GRM1: variants seen among roughly 807,000 people sequenced by gnomAD.
The protein encoded by GRM1 is metabotropic glutamate receptor 1.
A neutral mutation model predicts 90.9 loss-of-function variants in GRM1; 33 were observed. That is an observed-to-expected ratio of 0.36 (90% CI 0.28 to 0.49). The LOEUF (loss-of-function observed/expected upper bound fraction) is 0.49, where lower values mean the gene tolerates loss of function less well. GRM1 is among the 20% of genes least tolerant of loss of function. GRM1 has a pLI of 0.99. For synonymous variants in GRM1, 700 were observed against 613.2 expected, an observed-to-expected ratio of 1.14 and a Z score of -2.09; for missense variants, 1,190 against 1,534.3, an observed-to-expected ratio of 0.78 and a Z score of 3.75.
chr6:146,114,433 A>T (rs1179134182), intron 1 of GRM1, among the ~76,000 whole-genome samples: 3 of 152,206 alleles, frequency 2.0e-5, no homozygotes, highest in African/African-American at 7.2e-5. Context: ...AACTGAAATT[A>T]TGGAGAAAAC....
intron 6 of GRM1, among the ~76,000 whole-genome samples, chr6:146,396,381 A>G (rs552376236): frequency 6.6e-5 from 10 of 152,282 alleles, no homozygotes; most frequent in African/African-American, 2.4e-4. Flanking sequence ...GATCTTTCAT[A>G]AGTTGACAAC....
chr6:146,423,907 C>G (rs1389153588), intron 7 of GRM1, among the ~76,000 whole-genome samples: 1 of 152,220 alleles, frequency 6.6e-6, no homozygotes, highest in Non-Finnish European at 1.5e-5. Context: ...CACAGCTTCT[C>G]TTGATCTGTC....
rs188205759 is a variant in GRM1 at position 146,266,371 on chromosome 6, T to G, written c.951-38240T>G. Among the ~76,000 whole-genome samples, 732 of 152,320 alleles carry G rather than the reference T, an allele frequency of 4.8e-3. 7 individuals carry two copies. The highest frequency in any genetic ancestry group is 0.016 in the African/African-American group (684 of 41,564). ...ACAGGGTGTTGATAAAGTTTTAGTT[T>G]TCTTAATACCTTCAATTCTCATTCT... is the stretch of plus-strand genomic sequence containing the variant. On this transcript the variant is annotated intron_variant, in intron 2 of 7. Transcript: ENST00000282753.
Position 146,118,140 on chromosome 6 carries a change from CTTTTTTT to C in GRM1, c.701-41197_701-41191del, listed in dbSNP as rs67033918. ...TTTTTTATTCTTTTTTTCTTCTTTT[CTTTTTTT>C]TTTTTTTTTTGAGTCGGAGTCTCAC... is the stretch of plus-strand genomic sequence containing the variant. On this transcript the variant is annotated intron_variant, in intron 1 of 7. Coordinates refer to ENST00000282753, the MANE Select transcript of GRM1 (RefSeq NM_001278064.2). Among the ~76,000 whole-genome samples the C allele has an allele frequency of 4.3e-5, 5 of 115,444 alleles. No homozygotes were observed. In the East Asian group the frequency reaches 1.2e-3, roughly 28 times the overall value. The allele number at this position is 115,444 out of a possible 152,430, so 75.7% of individuals were successfully genotyped here.
intron 2 of GRM1, among the ~76,000 whole-genome samples, chr6:146,258,601 C>A (rs749470171): frequency 1.9e-4 from 29 of 152,026 alleles, no homozygotes; most frequent in Non-Finnish European, 3.8e-4. Context: ...CTCACTGCAG[C>A]CTTGAAATCC....
chr6:146,294,145 C>A (rs930737077), intron 2 of GRM1, among the ~76,000 whole-genome samples: 1 of 151,416 alleles, frequency 6.6e-6, no homozygotes, highest in Non-Finnish European at 1.5e-5. Context: ...GTGTTCTTTT[C>A]TATTTTCTTA....
intron 1 of GRM1, among the ~76,000 whole-genome samples, chr6:146,079,404 G>A (rs976254175): frequency 2.0e-5 from 3 of 152,262 alleles, no homozygotes; most frequent in Admixed American, 2.0e-4. Flanking sequence ...AAAGTAAAAA[G>A]GGGGTACTCT....
At position 146,304,852 on chromosome 6, in the gene GRM1, T is replaced by C. The variant is rs764737559; in HGVS notation, c.1186+6T>C. 13 of 1,565,488 alleles carry C rather than the reference T, an allele frequency of 8.3e-6. No individual in the cohort carries two copies. Among genetic ancestry groups the C allele is most frequent in the Non-Finnish European group, 1.1e-5 (12 of 1,135,794 alleles). On this transcript the variant is annotated splice_donor_region_variant and intron_variant, in intron 3 of 7. Coordinates refer to ENST00000282753, the MANE Select transcript of GRM1 (RefSeq NM_001278064.2). ...CTTTAAACGAATCTGCACAGGTAAC[T>C]CATGTTCACAAAATAACAACTCAGA...
chr6:146,189,746 G>A (rs956794103), intron 2 of GRM1, among the ~76,000 whole-genome samples: 6 of 152,252 alleles, frequency 3.9e-5, no homozygotes, highest in South Asian at 4.1e-4. Flanking sequence ...CAGAAGCAGC[G>A]TCATGGCTCT....
chr6:146,047,776 C>G (rs1191616872), intron 1 of GRM1, among the ~76,000 whole-genome samples: 1 of 151,926 alleles, frequency 6.6e-6, no homozygotes, highest in Admixed American at 6.6e-5. Flanking sequence ...TAGTTTGAAA[C>G]TTATTGAATT....
At chr6:146,254,073 C>T (rs547219761) in intron 2 of GRM1, among the ~76,000 whole-genome samples, 1 of 151,950 alleles carries the variant, frequency 6.6e-6, no homozygotes, top group South Asian at 2.1e-4. Context: ...GTATAAACAA[C>T]TTTGGCTAAT....
chr6:146,388,758 T>TGGA (rs1776601165), intron 6 of GRM1, among the ~76,000 whole-genome samples: 1 of 152,062 alleles, frequency 6.6e-6, no homozygotes, highest in African/African-American at 2.4e-5. Flanking sequence ...CTGATGCAAT[T>TGGA]ACTCTCTGTC....
chr6:146,426,410 G>A (rs537776998), intron 7 of GRM1: 2 of 659,116 alleles, frequency 3.0e-6, no homozygotes, highest in East Asian at 2.8e-5. Context: ...GAAACAGCCA[G>A]GCAGAGCAAG....
At chr6:146,054,713 A>C (rs965260013) in intron 1 of GRM1, among the ~76,000 whole-genome samples, 11 of 152,090 alleles carry the variant, frequency 7.2e-5, no homozygotes, top group African/African-American at 2.7e-4. Context: ...ACTGGGTGCA[A>C]TATATATTTT....
chr6:146,194,027 C>G (rs907986126), intron 2 of GRM1, among the ~76,000 whole-genome samples: 1 of 151,742 alleles, frequency 6.6e-6, no homozygotes, highest in African/African-American at 2.4e-5. Context: ...ATCTTCATAA[C>G]TTTTTTTTAC....
intron 5 of GRM1, among the ~76,000 whole-genome samples, chr6:146,362,778 C>T (rs1203907226): frequency 6.6e-6 from 1 of 151,100 alleles, no homozygotes; most frequent in Non-Finnish European, 1.5e-5. Context: ...GAAAAGAAGA[C>T]TGCTTAATTT....
chr6:146,177,610 A>G (rs1211779113), intron 2 of GRM1, among the ~76,000 whole-genome samples: 1 of 152,102 alleles, frequency 6.6e-6, no homozygotes. Flanking sequence ...AAAAAAATGA[A>G]TTGCATTCCT....
intron 2 of GRM1, among the ~76,000 whole-genome samples, chr6:146,194,358 C>T (rs1258560058): frequency 6.6e-6 from 1 of 152,112 alleles, no homozygotes; most frequent in East Asian, 1.9e-4. Context: ...TGTTACAGTT[C>T]TCTTCAGTTA....
At chr6:146,417,119 G>A (rs2114645861) in intron 7 of GRM1, among the ~76,000 whole-genome samples, 1 of 152,180 alleles carries the variant, frequency 6.6e-6, no homozygotes, top group Middle Eastern at 3.4e-3. Context: ...TCTCTGCCTG[G>A]ATTCTTAGTC....
Sources: gnomAD v4.1 joint callset for allele counts (sites outside exome capture counted in the v4.1 genomes callset) on GRCh38, gnomAD v4.1.1 for gene constraint, MANE v1.5 for transcripts, NCBI Gene and HGNC (gene_info 2026-07-23, HGNC 2026-07-21) for gene names.